FSHR: variants seen among roughly 807,000 people sequenced by gnomAD.
FSHR encodes the protein follicle stimulating hormone receptor.
FSHR carries 46 observed loss-of-function variants against 52.1 expected under a neutral mutation model. The observed-to-expected ratio is 0.88, with a 90% confidence interval of 0.70 to 1.13. The LOEUF is 1.13. Among genes scored for constraint, FSHR ranks in the 50% most tolerant of loss-of-function variants. FSHR has a pLI of 0.00. For missense variants in FSHR, 964 were observed against 834.6 expected, an observed-to-expected ratio of 1.16 and a Z score of -1.91; for synonymous variants, 399 against 309.6, an observed-to-expected ratio of 1.29 and a Z score of -3.03.
intron 1 of FSHR, among the ~76,000 whole-genome samples, chr2:49,090,082 A>G (rs1670543925): frequency 6.6e-6 from 1 of 152,184 alleles, no homozygotes; most frequent in Non-Finnish European, 1.5e-5. Flanking sequence ...ACAGTGAAAC[A>G]AAGCAAGTTT....
chr2:49,076,617 T>C lies in FSHR; in HGVS notation c.153-8327A>G, dbSNP rs577027027. Among the ~76,000 whole-genome samples the C allele has an allele frequency of 3.3e-5, 5 of 152,258 alleles. No homozygotes were observed. The South Asian group carries it at 1.0e-3, about 32-fold the overall frequency. The stretch of plus-strand genomic sequence containing the variant: ...CTTCCCTACAGTCTACCAAAAGTCT[T>C]AACTCATTTCAATATTAACTCAAAA... On this transcript the variant is annotated intron_variant, in intron 1 of 9. Transcript: ENST00000406846.
At position 49,082,688 on chromosome 2, in the gene FSHR, C is replaced by T. The variant is rs187540563; in HGVS notation, c.153-14398G>A. The stretch of plus-strand genomic sequence containing the variant: ...GCTGAAAACCAAGGCTCAAGAACTA[C>T]GTGAAGAATGCAGAAGCCTCAGGAG... On this transcript the variant is annotated intron_variant, in intron 1 of 9. Coordinates refer to ENST00000406846, the MANE Select transcript of FSHR (RefSeq NM_000145.4). 3.1e-4 allele frequency among the ~76,000 whole-genome samples: 47 copies of T among 151,966 alleles called. 2 individuals carry two copies. In the South Asian group the frequency reaches 7.1e-3, roughly 23 times the overall value.
chr2:49,009,834 T>C (rs1667206157), intron 4 of FSHR, among the ~76,000 whole-genome samples: 1 of 116,166 alleles, frequency 8.6e-6, no homozygotes, highest in African/African-American at 2.6e-5. Context: ...TGTTTGTCTG[T>C]TGCTGGTGTA....
Position 49,020,139 on chromosome 2 carries a change from G to A in FSHR, c.246C>T (p.Val82=), listed in dbSNP as rs756362810. The A allele has an allele frequency of 6.2e-7, 1 of 1,613,416 alleles. No individual in the cohort carries two copies. The highest frequency in any genetic ancestry group is 1.1e-5 in the South Asian group (1 of 91,058). Residue 82 remains valine (V), a synonymous_variant, in exon 3 of 10, where the codon GTC becomes GTT. Transcript: ENST00000406846. ...ACACATCTGCCTCTATCACCTCCAA[G>A]ACATCATTCTGAGAGATCTCTCTGT... The part of the protein sequence containing the change: ...LEKIEISQND[V]LEVIEADVFS...
chr2:49,121,496 G>A (rs903317147), intron 1 of FSHR, among the ~76,000 whole-genome samples: 1 of 152,048 alleles, frequency 6.6e-6, no homozygotes, highest in African/African-American at 2.4e-5. Flanking sequence ...CATCTCTAGA[G>A]TTGAAAGCAG....
In FSHR at chr2:49,038,126, A is replaced by G. The variant is rs916346333; in HGVS notation, c.225-17966T>C. Among the ~76,000 whole-genome samples, 14 of 152,300 alleles carry G rather than the reference A, an allele frequency of 9.2e-5. No individual in the cohort carries two copies. The East Asian group carries it at 2.3e-3, about 25-fold the overall frequency. ...TCAGCTCAGATTTATGAGTTCATTA[A>G]TAGTTCAGGAGGAATAAAGAAGATA... On this transcript the variant is annotated intron_variant, in intron 2 of 9. Transcript: ENST00000406846.
chr2:49,154,256 T>A lies in FSHR; in HGVS notation c.152+10A>T. On this transcript the variant is annotated intron_variant, in intron 1 of 9. Coordinates refer to ENST00000406846, the MANE Select transcript of FSHR (RefSeq NM_000145.4). ...GCCATGCAGTTGTTCCCCCTCCCTC[T>A]GATACTCACAGTTCAATGGCATTCC... is the stretch of plus-strand genomic sequence containing the variant. 6.2e-7 allele frequency: 1 copy of A among 1,613,442 alleles called. No homozygotes were observed. The highest frequency in any genetic ancestry group is 1.1e-5 in the South Asian group (1 of 91,056).
chr2:49,063,158 T>G (rs1669375362), intron 2 of FSHR, among the ~76,000 whole-genome samples: 1 of 152,016 alleles, frequency 6.6e-6, no homozygotes, highest in African/African-American at 2.4e-5. Flanking sequence ...GGAGGGAGGA[T>G]TAATTTAAGT....
rs200593181 is a variant in FSHR, at chr2:49,079,817, A to T, written c.153-11527T>A. On this transcript the variant is annotated intron_variant, in intron 1 of 9. Transcript: ENST00000406846. ...AAATGTCTGTTCAGAAGACTTTTTT[A>T]AAAAAACACACAAAAATCCCGCACT... is the stretch of plus-strand genomic sequence containing the variant. Among the ~76,000 whole-genome samples, 16 of 152,214 alleles carry T rather than the reference A, an allele frequency of 1.1e-4. No individual in the cohort carries two copies. In the East Asian group the frequency reaches 2.7e-3, roughly 26 times the overall value.
intron 4 of FSHR, among the ~76,000 whole-genome samples, chr2:48,996,628 G>A (rs1397426014): frequency 6.6e-6 from 1 of 151,856 alleles, no homozygotes; most frequent in African/African-American, 2.4e-5. Flanking sequence ...CACAAATATG[G>A]GGATAAAAGG....
At chr2:49,081,845 T>C (rs1670181397) in intron 1 of FSHR, among the ~76,000 whole-genome samples, 2 of 152,194 alleles carry the variant, frequency 1.3e-5, no homozygotes, top group South Asian at 2.1e-4. Flanking sequence ...TAATTTCCCT[T>C]TGTGGCTTAA....
At chr2:49,134,458 C>G (rs1013530693) in intron 1 of FSHR, among the ~76,000 whole-genome samples, 2 of 152,218 alleles carry the variant, frequency 1.3e-5, no homozygotes, top group Admixed American at 6.5e-5. Context: ...TGCTTTTACA[C>G]TGTTGGTGGG....
chr2:49,127,156 C>T lies in FSHR; in HGVS notation c.152+27110G>A, dbSNP rs192553866. ...CGGCCTGGCCAACATGGCGAAACCC[C>T]GTCTCTACTAAAAATACAAAAATTA... On this transcript the variant is annotated intron_variant, in intron 1 of 9. Coordinates refer to ENST00000406846, the MANE Select transcript of FSHR (RefSeq NM_000145.4). 5.3e-4 allele frequency among the ~76,000 whole-genome samples: 80 copies of T among 152,088 alleles called. 1 individual carries two copies. In the East Asian group the frequency reaches 0.011, roughly 20 times the overall value.
At chr2:49,005,400 T>C (rs1238959913) in intron 4 of FSHR, among the ~76,000 whole-genome samples, 1 of 152,136 alleles carries the variant, frequency 6.6e-6, no homozygotes, top group South Asian at 2.1e-4. Flanking sequence ...AAAAAAGCAA[T>C]TGTAAATCTC....
intron 9 of FSHR, among the ~76,000 whole-genome samples, chr2:48,965,099 C>G (rs1438920503): frequency 6.6e-6 from 1 of 151,892 alleles, no homozygotes; most frequent in African/African-American, 2.4e-5. Context: ...TAAACCTTGA[C>G]ATAACCTCAG....
At chr2:49,085,627 G>C (rs1472819132) in intron 1 of FSHR, among the ~76,000 whole-genome samples, 4 of 152,210 alleles carry the variant, frequency 2.6e-5, no homozygotes, top group African/African-American at 9.6e-5. Flanking sequence ...TATACCCAAA[G>C]GACTATAAAT....
At chr2:49,025,628 T>C (rs1419284800) in intron 2 of FSHR, among the ~76,000 whole-genome samples, 1 of 152,188 alleles carries the variant, frequency 6.6e-6, no homozygotes, top group East Asian at 1.9e-4. Flanking sequence ...TAAAACTCTC[T>C]TTGTGGAGTC....
intron 1 of FSHR, among the ~76,000 whole-genome samples, chr2:49,071,858 A>C (rs1669745140): frequency 6.6e-6 from 1 of 152,132 alleles, no homozygotes; most frequent in South Asian, 2.1e-4. Context: ...GCTCTTGTGA[A>C]AACTAATAGA....
At chr2:49,023,627 C>T (rs954156950) in intron 2 of FSHR, among the ~76,000 whole-genome samples, 1 of 152,110 alleles carries the variant, frequency 6.6e-6, no homozygotes, top group Non-Finnish European at 1.5e-5. Context: ...TTTATCCGTG[C>T]CTCTCTGGGT....
Sources: gnomAD v4.1 joint callset for allele counts (sites outside exome capture counted in the v4.1 genomes callset) on GRCh38, gnomAD v4.1.1 for gene constraint, MANE v1.5 for transcripts, NCBI Gene and HGNC (gene_info 2026-07-23, HGNC 2026-07-21) for gene names.